The following ZNF223 variants were observed in gnomAD, a reference collection of about 807,000 sequenced individuals.
ZNF223 encodes the protein Homo sapiens zinc finger protein 223.
In ZNF223, 9 loss-of-function variants were observed where a neutral mutation model predicts 12.3. The observed-to-expected ratio is 0.73, with a 90% CI of 0.44 to 1.28. ZNF223 has a LOEUF of 1.28. ZNF223 is among the 50% of genes most tolerant of loss of function. ZNF223 has a pLI of 0.00. For missense variants in ZNF223, 506 were observed against 579.0 expected, an observed-to-expected ratio of 0.87 and a Z score of 1.29; for synonymous variants, 171 against 195.2, an observed-to-expected ratio of 0.88 and a Z score of 1.03.
In ZNF223 at chr19:44,066,569, TAC is replaced by T. The variant is rs756956525; in HGVS notation, c.743_744del (p.Thr248SerfsTer13). On this transcript the variant is annotated frameshift_variant, in exon 5 of 5. Coordinates refer to ENST00000434772, the MANE Select transcript of ZNF223 (RefSeq NM_013361.6). LOFTEE classifies it low-confidence loss of function (END_TRUNC). ...GAGGCTTCAGATGTAGATCAGCACT[TAC>T]AGTTCATTGCAAATTACACATGGGA... ...GRGFRCRSAL[T>X]VHCKLHMGEK... 7 of 1,614,160 alleles carry T rather than the reference TAC, an allele frequency of 4.3e-6. No homozygotes were observed. Among genetic ancestry groups the T allele is most frequent in the Non-Finnish European group, 5.9e-6 (7 of 1,180,020 alleles).
Position 44,067,381 on chromosome 19 carries a change from CTTTT to C in ZNF223, c.*107_*110del, listed in dbSNP as rs765468655. 1.3e-4 allele frequency: 166 copies of C among 1,258,394 alleles called. No homozygotes were observed. The highest frequency in any genetic ancestry group is 5.7e-4 in the Middle Eastern group (3 of 5,230). The allele number at this position is 1,258,394 out of a possible 1,614,324, so 78.0% of individuals were successfully genotyped here. On this transcript the variant is annotated 3_prime_UTR_variant, in exon 5 of 5. Coordinates refer to ENST00000434772, the MANE Select transcript of ZNF223 (RefSeq NM_013361.6). Reference sequence around the variant, plus strand: ...AGCACATTTATCACCTCAATTATCTCTTTTTTGTGTTGAGAAAATTAAAAATTCA... The same window carrying C: ...AGCACATTTATCACCTCAATTATCTCTTGTGTTGAGAAAATTAAAAATTCA...
At chr19:44,065,099 G>C (rs1599871477) in intron 4 of ZNF223, among the ~76,000 whole-genome samples, 1 of 152,248 alleles carries the variant, frequency 6.6e-6, no homozygotes, top group Non-Finnish European at 1.5e-5. Flanking sequence ...GCTGTGGCTA[G>C]TCACAACCCT....
At chr19:44,051,881 A>G (rs891410318), upstream of ZNF223, 1 of 152,122 alleles carries the variant, frequency 6.6e-6, no homozygotes, top group Admixed American at 6.5e-5. Context: ...AACACTGGGT[A>G]TTTTGGCTCT....
At position 44,067,718 on chromosome 19, in the gene ZNF223, G is replaced by A. The variant is rs1292556371; in HGVS notation, c.*441G>A. On this transcript the variant is annotated 3_prime_UTR_variant, in exon 5 of 5. Coordinates refer to ENST00000434772, the MANE Select transcript of ZNF223 (RefSeq NM_013361.6). ...GAATGCTGCAGGGTTTCTAACAGAA[G>A]TTTGACAATTAGTTATTATTCAGGA... 1.0e-5 allele frequency: 3 copies of A among 297,692 alleles called. No individual in the cohort carries two copies. The highest frequency in any genetic ancestry group is 7.3e-5 in the East Asian group (1 of 13,784). 18.4% of individuals were successfully genotyped at this position (297,692 alleles called of 1,614,324 possible).
chr19:44,065,925 C>A, intron 4 of ZNF223, 139 bp from the exon 5 acceptor site: 1 of 1,406,874 alleles, frequency 7.1e-7, no homozygotes, highest in Non-Finnish European at 9.3e-7. Context: ...TACTCTCATG[C>A]AAACCAGAAA....
chr19:44,059,613 G>C (rs149732018), intron 2 of ZNF223, among the ~76,000 whole-genome samples: 5 of 152,340 alleles, frequency 3.3e-5, no homozygotes, highest in Non-Finnish European at 7.3e-5. Context: ...GGGAACAGCA[G>C]ATTAATAGCT....
At chr19:44,057,165 G>T (rs73932830) in intron 2 of ZNF223, among the ~76,000 whole-genome samples, 2 of 152,110 alleles carry the variant, frequency 1.3e-5, no homozygotes, top group Non-Finnish European at 2.9e-5. Flanking sequence ...AAAACCATGG[G>T]AATATTTATA....
At chr19:44,064,985 G>A (rs1976886288) in intron 4 of ZNF223, among the ~76,000 whole-genome samples, 1 of 152,134 alleles carries the variant, frequency 6.6e-6, no homozygotes, top group Non-Finnish European at 1.5e-5. Flanking sequence ...TGGTTATTTA[G>A]TCTTTTGGTC....
chr19:44,063,093 A>G (rs1204351400), intron 4 of ZNF223, among the ~76,000 whole-genome samples: 1 of 152,234 alleles, frequency 6.6e-6, no homozygotes, highest in Non-Finnish European at 1.5e-5. Flanking sequence ...CTTACTCAAA[A>G]TAGAAACATC....
At chr19:44,064,951 A>AT (rs137895583) in intron 4 of ZNF223, among the ~76,000 whole-genome samples, 3,249 of 152,312 alleles carry the variant, frequency 0.021, 102 homozygotes, top group African/African-American at 0.059. Flanking sequence ...TTACATAGCC[A>AT]TAATTGGTTG....
At chr19:44,056,049 G>A (rs1976758668) in intron 2 of ZNF223, among the ~76,000 whole-genome samples, 1 of 152,106 alleles carries the variant, frequency 6.6e-6, no homozygotes, top group Admixed American at 6.5e-5. Flanking sequence ...GCTCCCTTGA[G>A]TGATGACATC....
At chr19:44,057,381 T>A (rs1416471578) in intron 2 of ZNF223, among the ~76,000 whole-genome samples, 1 of 152,224 alleles carries the variant, frequency 6.6e-6, no homozygotes, top group Non-Finnish European at 1.5e-5. Context: ...TACCATATCA[T>A]CTTGGCCGGA....
In ZNF223 at chr19:44,052,156, CAG is replaced by C. The variant is rs1007577228; in HGVS notation, c.-107_-106del. 3.2e-5 allele frequency: 5 copies of C among 154,240 alleles called. No individual in the cohort carries two copies. Among genetic ancestry groups the C allele is most frequent in the African/African-American group, 1.2e-4 (5 of 41,440 alleles). 9.6% of individuals were successfully genotyped at this position (154,240 alleles called of 1,614,324 possible). A position where few individuals can be genotyped will look rare whatever the true frequency, so the allele number is the denominator to read the frequency against. On this transcript the variant is annotated 5_prime_UTR_variant, in exon 1 of 5. It removes the in-frame stop codon of an upstream open reading frame in the 5' UTR. Coordinates refer to ENST00000434772, the MANE Select transcript of ZNF223 (RefSeq NM_013361.6). ...ACCACCCGATGATCGATGATCGTCT[CAG>C]GGGAAAAGAAGCCTTGGCGAAGAGC...
At position 44,066,968 on chromosome 19, in the gene ZNF223, C is replaced by T. The variant is rs139562376; in HGVS notation, c.1140C>T (p.Ser380=). ...KPYKCDKCGK[S]YITKSGLDLH... ...ACAAATGTGACAAGTGTGGGAAGAG[C>T]TACATTACTAAGTCAGGTCTTGACT... is the stretch of plus-strand genomic sequence containing the variant. The change falls in exon 5 of 5, where the codon AGC becomes AGT. Residue 380 remains serine, a synonymous_variant. Transcript: ENST00000434772. 136 of 1,613,228 alleles carry T rather than the reference C, an allele frequency of 8.4e-5. No homozygotes were observed. The East Asian group carries it at 2.3e-3, about 28-fold the overall frequency.
At chr19:44,060,062 C>T (rs1381012710) in intron 2 of ZNF223, among the ~76,000 whole-genome samples, 4 of 152,190 alleles carry the variant, frequency 2.6e-5, no homozygotes, top group Non-Finnish European at 5.9e-5. Context: ...GGTTTCACAG[C>T]CACAGCCTCA....
At chr19:44,058,357 A>G (rs1456593512) in intron 2 of ZNF223, among the ~76,000 whole-genome samples, 1 of 152,030 alleles carries the variant, frequency 6.6e-6, no homozygotes, top group Non-Finnish European at 1.5e-5. Context: ...GATCAGTGTA[A>G]CACCTTGACT....
At position 44,067,577 on chromosome 19, in the gene ZNF223, C is replaced by A; in HGVS notation, c.*300C>A. ...TCCCTGCCTCTAGAGCCACTGTTCT[C>A]ACTACTTCTAAGAAATCAGCTTTTT... is the stretch of plus-strand genomic sequence containing the variant. On this transcript the variant is annotated 3_prime_UTR_variant, in exon 5 of 5. Coordinates refer to ENST00000434772, the MANE Select transcript of ZNF223 (RefSeq NM_013361.6). 3 of 409,262 alleles carry A rather than the reference C, an allele frequency of 7.3e-6. No individual in the cohort carries two copies. The highest frequency in any genetic ancestry group is 6.1e-5 in the South Asian group (3 of 49,578). 25.4% of individuals were successfully genotyped at this position (409,262 alleles called of 1,614,324 possible). A position where few individuals can be genotyped will look rare whatever the true frequency, so the allele number is the denominator to read the frequency against.
chr19:44,053,117 G>C (rs1370000562), intron 1 of ZNF223, among the ~76,000 whole-genome samples: 5 of 152,062 alleles, frequency 3.3e-5, no homozygotes, highest in Non-Finnish European at 7.4e-5. Flanking sequence ...TATTGAAGGG[G>C]GCCTGCCTCT....
chr19:44,053,535 A>G (rs759302807), intron 1 of ZNF223, among the ~76,000 whole-genome samples: 10 of 152,188 alleles, frequency 6.6e-5, no homozygotes, highest in Non-Finnish European at 1.3e-4. Context: ...GTTTTCTCCT[A>G]TCTCAGTAAA....
Sources: gnomAD v4.1 joint callset for allele counts (sites outside exome capture counted in the v4.1 genomes callset) on GRCh38, gnomAD v4.1.1 for gene constraint, MANE v1.5 for transcripts, NCBI Gene and HGNC (gene_info 2026-07-23, HGNC 2026-07-21) for gene names.